Variants in NEGR1 observed in about 807,000 individuals in gnomAD.
NEGR1 encodes neuronal growth regulator 1, also known as IgLON family member 4.
A neutral mutation model predicts 40.9 loss-of-function variants in NEGR1; 10 were observed. The ratio of observed to expected loss-of-function variants is 0.24; its 90% confidence interval spans 0.15 to 0.42. NEGR1 has a LOEUF of 0.42. Among genes scored for constraint, NEGR1 ranks in the 10% least tolerant of loss-of-function variants. NEGR1 has a pLI of 1.00. For missense variants in NEGR1, 352 were observed against 438.9 expected (o/e 0.80, Z 1.77); for synonymous variants, 185 against 166.8 (o/e 1.11, Z -0.84).
chr1:71,498,521 T>G (rs1646979954), intron 6 of NEGR1, among the ~76,000 whole-genome samples: 1 of 152,142 alleles, frequency 6.6e-6, no homozygotes. Flanking sequence ...GAGGGTAAAT[T>G]GCTCGGGTGT....
chr1:72,215,593 C>T (rs1249321492), intron 1 of NEGR1, among the ~76,000 whole-genome samples: 1 of 151,782 alleles, frequency 6.6e-6, no homozygotes, highest in Non-Finnish European at 1.5e-5. Flanking sequence ...TTTATGTGGC[C>T]AACAAATGTG....
chr1:72,029,011 C>A (rs1182320700), intron 1 of NEGR1, among the ~76,000 whole-genome samples: 1 of 151,986 alleles, frequency 6.6e-6, no homozygotes, highest in Non-Finnish European at 1.5e-5. Context: ...ATATCTAAAA[C>A]GCTAAAGGAA....
At chr1:71,793,802 T>C (rs1344106754) in intron 2 of NEGR1, among the ~76,000 whole-genome samples, 1 of 152,080 alleles carries the variant, frequency 6.6e-6, no homozygotes. Context: ...GATATGTATA[T>C]ATATATAATC....
intron 6 of NEGR1, chr1:71,422,616 T>C (rs1253990650): frequency 6.6e-6 from 1 of 152,198 alleles, no homozygotes; most frequent in East Asian, 1.9e-4. Context: ...TAATCTAGGC[T>C]TAGCAGCTAC....
intron 1 of NEGR1, among the ~76,000 whole-genome samples, chr1:71,957,226 T>C (rs1432024488): frequency 6.6e-6 from 1 of 152,162 alleles, no homozygotes; most frequent in Non-Finnish European, 1.5e-5. Flanking sequence ...ACTTTGTCCA[T>C]TCTGGCTCAT....
chr1:71,519,688 C>G (rs901716973), intron 6 of NEGR1, among the ~76,000 whole-genome samples: 1 of 134,178 alleles, frequency 7.5e-6, no homozygotes, highest in Non-Finnish European at 1.6e-5. Context: ...ATGTAACTAA[C>G]CTGCACAATG....
chr1:71,612,559 A>G (rs1305727030), intron 4 of NEGR1, among the ~76,000 whole-genome samples: 1 of 152,228 alleles, frequency 6.6e-6, no homozygotes, highest in East Asian at 1.9e-4. Flanking sequence ...AGCAAATATC[A>G]CAAATAAGTA....
intron 2 of NEGR1, chr1:71,794,498 TAGAA>T (rs777390594): frequency 2.0e-5 from 3 of 151,846 alleles, no homozygotes; most frequent in Non-Finnish European, 2.9e-5. Flanking sequence ...CAAATCAGTG[TAGAA>T]AGATTCAATC....
chr1:71,596,604 A>G (rs1268020341), intron 5 of NEGR1, among the ~76,000 whole-genome samples: 4 of 152,252 alleles, frequency 2.6e-5, no homozygotes, highest in African/African-American at 9.6e-5. Flanking sequence ...AACTGGCCAC[A>G]TAGCCATCAG....
At chr1:71,414,767 A>C (rs1429330497) in intron 6 of NEGR1, among the ~76,000 whole-genome samples, 2 of 152,142 alleles carry the variant, frequency 1.3e-5, no homozygotes, top group East Asian at 1.9e-4. Context: ...CCCGAGTAGC[A>C]TACTTGTCAT....
chr1:71,842,477 G>T (rs1360287510), intron 2 of NEGR1, among the ~76,000 whole-genome samples: 3 of 152,038 alleles, frequency 2.0e-5, no homozygotes, highest in Non-Finnish European at 4.4e-5. Flanking sequence ...AACGAAATAA[G>T]GAGCTATTAA....
chr1:71,435,764 C>G (rs919423629), intron 6 of NEGR1, among the ~76,000 whole-genome samples: 1 of 152,220 alleles, frequency 6.6e-6, no homozygotes, highest in Non-Finnish European at 1.5e-5. Context: ...AATGAGAACA[C>G]TTTTCTTGGA....
intron 3 of NEGR1, among the ~76,000 whole-genome samples, chr1:71,758,506 T>C (rs1375667096): frequency 6.6e-6 from 1 of 152,100 alleles, no homozygotes; most frequent in African/African-American, 2.4e-5. Flanking sequence ...ACAGTTTTAT[T>C]GATATATAGT....
chr1:71,896,902 T>C (rs954423109), intron 2 of NEGR1, among the ~76,000 whole-genome samples: 1 of 152,158 alleles, frequency 6.6e-6, no homozygotes, highest in Non-Finnish European at 1.5e-5. Flanking sequence ...AATTATTATG[T>C]CTGTTTTATA....
At chr1:71,918,469 A>C (rs1038904177) in intron 2 of NEGR1, among the ~76,000 whole-genome samples, 1 of 151,940 alleles carries the variant, frequency 6.6e-6, no homozygotes, top group African/African-American at 2.4e-5. Flanking sequence ...TTCTGCTTTC[A>C]AATAATTGTT....
At chr1:71,754,725 T>C (rs1244899269) in intron 3 of NEGR1, among the ~76,000 whole-genome samples, 1 of 151,784 alleles carries the variant, frequency 6.6e-6, no homozygotes, top group Non-Finnish European at 1.5e-5. Flanking sequence ...AGAAAGGATC[T>C]CCATGCTGCT....
At chr1:71,899,298 C>A (rs1014359495) in intron 2 of NEGR1, among the ~76,000 whole-genome samples, 1 of 151,776 alleles carries the variant, frequency 6.6e-6, no homozygotes, top group Non-Finnish European at 1.5e-5. Context: ...TAGAGTGGCA[C>A]TAAACTCTGA....
chr1:71,689,064 G>T (rs1346417014), intron 4 of NEGR1, among the ~76,000 whole-genome samples: 4 of 152,020 alleles, frequency 2.6e-5, no homozygotes, highest in Admixed American at 1.3e-4. Context: ...CTCCTTTAAG[G>T]TTCTCTGAAA....
intron 2 of NEGR1, among the ~76,000 whole-genome samples, chr1:71,815,345 G>C (rs997371533): frequency 6.6e-6 from 1 of 151,952 alleles, no homozygotes; most frequent in African/African-American, 2.4e-5. Flanking sequence ...TGATTTTAGA[G>C]TAAGTGCCAT....
Sources: gnomAD v4.1 joint callset for allele counts (sites outside exome capture counted in the v4.1 genomes callset) on GRCh38, gnomAD v4.1.1 for gene constraint, MANE v1.5 for transcripts, NCBI Gene and HGNC (gene_info 2026-07-23, HGNC 2026-07-21) for gene names.